NRG1: variants seen among roughly 807,000 people sequenced by gnomAD.
NRG1 encodes the protein neuregulin 1, also known as pro-neuregulin-1, membrane-bound isoform.
Under a neutral mutation model 63.8 loss-of-function variants are expected in NRG1, and 18 were observed. The ratio of observed to expected loss-of-function variants is 0.28; its 90% CI spans 0.19 to 0.42. NRG1 has a LOEUF of 0.42. Among genes scored for constraint, NRG1 ranks in the 10% least tolerant of loss-of-function variants. The pLI, the probability that NRG1 is intolerant of heterozygous loss-of-function variation, is 1.00. For synonymous variants in NRG1, 302 were observed against 301.3 expected, an observed-to-expected ratio of 1.00 and a Z score of -0.02; for missense variants, 762 against 814.7, an observed-to-expected ratio of 0.94 and a Z score of 0.79.
chr8:31,720,380 C>T (rs6980526), intron 1 of NRG1, among the ~76,000 whole-genome samples: 21,833 of 152,084 alleles, frequency 0.14, 1,717 homozygotes, highest in Admixed American at 0.21. Context: ...TTGTTACATA[C>T]GTAAACATGT....
intron 1 of NRG1, among the ~76,000 whole-genome samples, chr8:32,013,441 A>G (rs34195089): frequency 0.11 from 17,161 of 152,164 alleles, 1,369 homozygotes; most frequent in Non-Finnish European, 0.15. Context: ...CATGCCTGCT[A>G]ATAACTGGCA....
At chr8:32,595,493 T>C (rs542217619) in intron 1 of NRG1, among the ~76,000 whole-genome samples, 1 of 152,248 alleles carries the variant, frequency 6.6e-6, no homozygotes, top group African/African-American at 2.4e-5. Flanking sequence ...CCAGCCTACA[T>C]ACGCTCCTTT....
chr8:32,240,557 A>G (rs1847997408), intron 1 of NRG1, among the ~76,000 whole-genome samples: 1 of 152,154 alleles, frequency 6.6e-6, no homozygotes, highest in Non-Finnish European at 1.5e-5. Context: ...ACACACATAC[A>G]CATATGAGTG....
chr8:32,370,975 GCTGAGGCAGGTGAATCAC>G (rs1808766269), intron 1 of NRG1, among the ~76,000 whole-genome samples: 1 of 150,774 alleles, frequency 6.6e-6, no homozygotes, highest in African/African-American at 2.4e-5. Context: ...ACTTTAGGAG[GCTGAGGCAGGTGAATCAC>G]CTGAGGTTAG....
intron 1 of NRG1, among the ~76,000 whole-genome samples, chr8:31,891,670 T>G (rs899264550): frequency 6.6e-6 from 1 of 152,200 alleles, no homozygotes; most frequent in African/African-American, 2.4e-5. Flanking sequence ...TGTGTTCACA[T>G]AGAAACCTGT....
At chr8:32,043,440 A>G (rs1033157222) in intron 1 of NRG1, among the ~76,000 whole-genome samples, 1 of 152,066 alleles carries the variant, frequency 6.6e-6, no homozygotes, top group Non-Finnish European at 1.5e-5. Flanking sequence ...ATACCCTCTA[A>G]AAAGTTTGCT....
At chr8:32,189,347 T>C (rs547554658) in intron 1 of NRG1, among the ~76,000 whole-genome samples, 1 of 152,284 alleles carries the variant, frequency 6.6e-6, no homozygotes, top group Admixed American at 6.5e-5. Context: ...GATTTTCTGT[T>C]TCTGTGTTAA....
At chr8:32,046,445 A>G (rs538716958) in intron 1 of NRG1, among the ~76,000 whole-genome samples, 15 of 152,180 alleles carry the variant, frequency 9.9e-5, no homozygotes, top group African/African-American at 3.6e-4. Context: ...GCCATTCCTT[A>G]GTATTTATGC....
At chr8:32,416,842 CG>C (rs1483999277) in intron 1 of NRG1, among the ~76,000 whole-genome samples, 4 of 152,136 alleles carry the variant, frequency 2.6e-5, no homozygotes, top group Admixed American at 2.6e-4. Context: ...TGCACCACCA[CG>C]CTTGGCTAAT....
intron 1 of NRG1, among the ~76,000 whole-genome samples, chr8:32,447,430 A>G (rs1445683298): frequency 2.0e-5 from 3 of 152,166 alleles, no homozygotes; most frequent in African/African-American, 7.2e-5. Context: ...AATGAAGCTA[A>G]TCACTGTGGG....
intron 1 of NRG1, among the ~76,000 whole-genome samples, chr8:31,901,920 G>C (rs1171573021): frequency 6.6e-6 from 1 of 152,130 alleles, no homozygotes; most frequent in Non-Finnish European, 1.5e-5. Context: ...GTCATTATCT[G>C]TTCTGTTTCC....
chr8:32,002,287 G>T (rs539743150), intron 1 of NRG1, among the ~76,000 whole-genome samples: 1 of 152,118 alleles, frequency 6.6e-6, no homozygotes, highest in Non-Finnish European at 1.5e-5. Context: ...GCCTCCCAAA[G>T]TGCTGGGATT....
intron 1 of NRG1, among the ~76,000 whole-genome samples, chr8:31,758,362 TG>T (rs1817192373): frequency 6.6e-6 from 1 of 152,222 alleles, no homozygotes; most frequent in East Asian, 1.9e-4. Context: ...ATCCCATTAC[TG>T]GGTATATACC....
exon 9 of NRG1, chr8:32,756,435 G>A (rs765624084): frequency 6.2e-6 from 10 of 1,612,964 alleles, no homozygotes; most frequent in Admixed American, 3.3e-5. Context: ...GACCGTCTTC[G>A]GCAGAGCCTT....
intron 1 of NRG1, among the ~76,000 whole-genome samples, chr8:31,949,997 C>T (rs1314158748): frequency 1.3e-5 from 2 of 152,228 alleles, no homozygotes; most frequent in African/African-American, 2.4e-5. Flanking sequence ...TATCTTCCCA[C>T]CGTTCCAGAT....
At chr8:32,513,704 T>A (rs1392629070) in intron 1 of NRG1, among the ~76,000 whole-genome samples, 3 of 152,170 alleles carry the variant, frequency 2.0e-5, no homozygotes, top group Non-Finnish European at 4.4e-5. Context: ...TCCAACAGCA[T>A]TTTTATATAT....
chr8:32,754,457 G>T, exon 8 of NRG1: 1 of 1,613,724 alleles, frequency 6.2e-7, no homozygotes, highest in Middle Eastern at 1.7e-4. Flanking sequence ...TGTGTGTGGT[G>T]GCCTACTGCA....
intron 1 of NRG1, among the ~76,000 whole-genome samples, chr8:32,100,295 GACA>G (rs1319499372): frequency 6.6e-6 from 1 of 152,158 alleles, no homozygotes; most frequent in Non-Finnish European, 1.5e-5. Context: ...GTAAACTCAA[GACA>G]ACATTTATAT....
exon 12 of NRG1, chr8:32,764,329 G>T: frequency 6.2e-7 from 1 of 1,613,672 alleles, no homozygotes; most frequent in Non-Finnish European, 8.5e-7. Context: ...CCAGCAGGCC[G>T]CTTCTCGACA....
Sources: allele counts gnomAD v4.1 joint callset (sites outside exome capture counted in the v4.1 genomes callset), GRCh38; gene constraint gnomAD v4.1.1; transcripts MANE v1.5; gene names NCBI Gene and HGNC (gene_info 2026-07-23, HGNC 2026-07-21).